Variants in PBX4 observed in about 807,000 individuals in gnomAD.
PBX4 encodes PBX homeobox 4.
PBX4 carries 26 observed loss-of-function variants against 35.1 expected under a neutral mutation model. The observed-to-expected ratio is 0.74, with a 90% confidence interval of 0.54 to 1.03. The LOEUF is 1.03. PBX4 is among the 50% of genes least tolerant of loss of function. PBX4 has a pLI of 0.00. For missense variants in PBX4, 448 were observed against 504.3 expected (o/e 0.89, Z 1.07); for synonymous variants, 199 against 204.2 (o/e 0.97, Z 0.22).
intron 2 of PBX4, among the ~76,000 whole-genome samples, chr19:19,589,200 C>T (rs959223998): frequency 2.6e-5 from 4 of 151,916 alleles, no homozygotes; most frequent in African/African-American, 7.3e-5. Flanking sequence ...AGGTCGAGGC[C>T]GGCGGATCAC....
At chr19:19,590,964 G>A (rs2144754477) in intron 2 of PBX4, among the ~76,000 whole-genome samples, 1 of 152,282 alleles carries the variant, frequency 6.6e-6, no homozygotes, top group South Asian at 2.1e-4. Flanking sequence ...TGTGGCTGAG[G>A]AATGCACTGG....
At chr19:19,586,395 T>C (rs1015924727) in intron 2 of PBX4, among the ~76,000 whole-genome samples, 5 of 151,456 alleles carry the variant, frequency 3.3e-5, no homozygotes, top group African/African-American at 1.2e-4. Context: ...CCTGTCTCTT[T>C]GAGACAGAGC....
At chr19:19,609,028 T>C (rs1250527915) in intron 1 of PBX4, among the ~76,000 whole-genome samples, 1 of 152,184 alleles carries the variant, frequency 6.6e-6, no homozygotes, top group Non-Finnish European at 1.5e-5. Context: ...GAATGTACTT[T>C]TAAAAGTGTC....
In PBX4 at chr19:19,598,324, T is replaced by TCTTA. The variant is rs550242125; in HGVS notation, c.193+964_193+967dup. Among the ~76,000 whole-genome samples, 334 of 131,710 alleles carry TCTTA rather than the reference T, an allele frequency of 2.5e-3. 4 individuals are homozygous for TCTTA. The South Asian group carries it at 0.026, about 10-fold the overall frequency. 86.4% of individuals were successfully genotyped at this position (131,710 alleles called of 152,430 possible). On this transcript the variant is annotated intron_variant, in intron 2 of 7. Transcript: ENST00000251203. Reference sequence around the variant, plus strand: ...TTTTTTTTTTTTTTTTGAGACGGAGTCTTACTCTTCTTGCCCAGGCTGGAG... The same window carrying TCTTA: ...TTTTTTTTTTTTTTTTGAGACGGAGTCTTACTTACTCTTCTTGCCCAGGCTGGAG...
intron 1 of PBX4, among the ~76,000 whole-genome samples, chr19:19,613,113 GCACC>G: frequency 6.6e-6 from 1 of 151,634 alleles, no homozygotes; most frequent in South Asian, 2.1e-4. Context: ...GTGAGCCACT[GCACC>G]CAGCCTAATT....
chr19:19,595,879 G>A (rs1450080332), intron 2 of PBX4, among the ~76,000 whole-genome samples: 1 of 152,164 alleles, frequency 6.6e-6, no homozygotes, highest in Non-Finnish European at 1.5e-5. Flanking sequence ...TTGGAGGAAG[G>A]AGTCACAAAC....
rs963201951 is a variant in PBX4, at chr19:19,605,446, T to TAAC, written c.120-6084_120-6082dup. The stretch of plus-strand genomic sequence containing the variant: ...ATAATAATAATAATAATAATAATAA[T>TAAC]AACAATAATAATAATAATACAAAAA... On this transcript the variant is annotated intron_variant, in intron 1 of 7. Coordinates refer to ENST00000251203, the MANE Select transcript of PBX4 (RefSeq NM_025245.3). Among the ~76,000 whole-genome samples the TAAC allele has an allele frequency of 8.0e-5, 8 of 100,022 alleles. No individual in the cohort carries two copies. The East Asian group carries it at 2.6e-3, about 32-fold the overall frequency. 65.6% of individuals were successfully genotyped at this position (100,022 alleles called of 152,430 possible).
chr19:19,590,531 T>C (rs1373515782), intron 2 of PBX4, among the ~76,000 whole-genome samples: 1 of 151,478 alleles, frequency 6.6e-6, no homozygotes, highest in Non-Finnish European at 1.5e-5. Context: ...TACAGTGGCG[T>C]GATCTCCGCT....
intron 1 of PBX4, among the ~76,000 whole-genome samples, chr19:19,600,854 A>G (rs570048104): frequency 6.6e-6 from 1 of 151,836 alleles, no homozygotes; most frequent in African/African-American, 2.4e-5. Context: ...AAAAAGAACT[A>G]TGAAATATCA....
In PBX4 at chr19:19,563,433, G is replaced by A; in HGVS notation, c.1032+76C>T. On this transcript the variant is annotated intron_variant, in intron 7 of 7. Coordinates refer to ENST00000251203, the MANE Select transcript of PBX4 (RefSeq NM_025245.3). This position sits in a 1 kb window ranked among gnomAD's most constrained non-coding sequence, Gnocchi z 5.1. ...TCTGGGGAAGCTGCCCCAAGGCCGA[G>A]GGGTGGCTGACAAGACGACCCTTTC... The A allele has an allele frequency of 8.2e-7, 1 of 1,221,794 alleles. No individual in the cohort carries two copies. The highest frequency in any genetic ancestry group is 1.1e-6 in the Non-Finnish European group (1 of 880,434). The allele number at this position is 1,221,794 out of a possible 1,614,324, so 75.7% of individuals were successfully genotyped here.
intron 2 of PBX4, among the ~76,000 whole-genome samples, chr19:19,575,292 C>G (rs2061412540): frequency 4.0e-5 from 2 of 50,190 alleles, no homozygotes; most frequent in Admixed American, 1.9e-4. Context: ...ACTGCCAGCA[C>G]CCATGAGCGA....
chr19:19,596,564 C>G (rs1433505499), intron 2 of PBX4, among the ~76,000 whole-genome samples: 1 of 152,030 alleles, frequency 6.6e-6, no homozygotes, highest in African/African-American at 2.4e-5. Flanking sequence ...ACCCCAACAG[C>G]AATGAGCACA....
At chr19:19,579,827 C>T (rs771761143) in intron 2 of PBX4, 1 of 152,386 alleles carries the variant, frequency 6.6e-6, no homozygotes, top group Non-Finnish European at 1.5e-5. Context: ...AAGCAAAACA[C>T]TCACCTCACG....
At chr19:19,593,581 A>G (rs1421857860) in intron 2 of PBX4, among the ~76,000 whole-genome samples, 1 of 152,162 alleles carries the variant, frequency 6.6e-6, no homozygotes, top group Non-Finnish European at 1.5e-5. Flanking sequence ...CACTGACTGC[A>G]CTTCCTGATA....
chr19:19,578,178 A>C (rs1600410277), intron 2 of PBX4, among the ~76,000 whole-genome samples: 2 of 144,412 alleles, frequency 1.4e-5, no homozygotes, highest in Admixed American at 7.1e-5. Flanking sequence ...AAACAGCAAG[A>C]CTCCATCTCA....
Position 19,570,672 on chromosome 19 carries a change from C to A in PBX4, c.355G>T (p.Asp119Tyr). Residue 119 changes from aspartate to tyrosine, a missense_variant, in exon 3 of 8, where the codon GAC becomes TAC. By Grantham distance (160) the Asp-to-Tyr change is radical (BLOSUM62 -3). Coordinates refer to ENST00000251203, the MANE Select transcript of PBX4 (RefSeq NM_025245.3). ...GTATPGGCPNDNSIEHSDYRA... is the reference protein window; with the variant it reads ...GTATPGGCPNYNSIEHSDYRA... Reference sequence around the variant, plus strand: ...TAGTCAGAGTGCTCAATGCTATTGTCATTTGGACAGCCACCTGGTGTTGCT... The same window carrying A: ...TAGTCAGAGTGCTCAATGCTATTGTAATTTGGACAGCCACCTGGTGTTGCT... 1 of 1,614,136 alleles carries A rather than the reference C, an allele frequency of 6.2e-7. No individual in the cohort carries two copies. The highest frequency in any genetic ancestry group is 8.5e-7 in the Non-Finnish European group (1 of 1,180,026).
chr19:19,604,940 C>A (rs553967295), intron 1 of PBX4, among the ~76,000 whole-genome samples: 1 of 151,856 alleles, frequency 6.6e-6, no homozygotes, highest in Non-Finnish European at 1.5e-5. Flanking sequence ...ATTGATCACA[C>A]GAGATATTCA....
chr19:19,597,727 CGTT>C (rs1452314146), intron 2 of PBX4, among the ~76,000 whole-genome samples: 2 of 152,188 alleles, frequency 1.3e-5, no homozygotes, highest in Non-Finnish European at 2.9e-5. Flanking sequence ...TCAAGTGACA[CGTT>C]GTGCAGATGA....
At chr19:19,594,078 C>A (rs74181143) in intron 2 of PBX4, among the ~76,000 whole-genome samples, 6 of 134,416 alleles carry the variant, frequency 4.5e-5, no homozygotes, top group African/African-American at 1.1e-4. Context: ...GACTCTGTGT[C>A]TTAATTAAAA....
Sources: gnomAD v4.1 joint callset for allele counts (sites outside exome capture counted in the v4.1 genomes callset) on GRCh38, gnomAD v4.1.1 for gene constraint, Gnocchi (gnomAD v3.1) non-coding constraint, MANE v1.5 for transcripts, NCBI Gene and HGNC (gene_info 2026-07-23, HGNC 2026-07-21) for gene names.